Variants in MAP7D2 observed in about 807,000 individuals in gnomAD.
MAP7D2 encodes the protein MAP7 domain-containing protein 2.
A neutral mutation model predicts 63.5 loss-of-function variants in MAP7D2; 33 were observed. That is an observed-to-expected ratio of 0.52 (90% confidence interval 0.39 to 0.70). The LOEUF is 0.70. Among genes scored for constraint, MAP7D2 ranks in the 30% least tolerant of loss-of-function variants. The pLI, the probability that MAP7D2 is intolerant of heterozygous loss-of-function variation, is 0.00. For synonymous variants in MAP7D2, 224 were observed against 223.7 expected (o/e 1.00, Z -0.01); for missense variants, 626 against 604.0 (o/e 1.04, Z -0.38).
At chrX:20,017,241 G>A (rs886741885) in intron 10 of MAP7D2, 2 of 113,977 alleles carry the variant, frequency 1.8e-5, no homozygotes, top group African/African-American at 6.5e-5. Flanking sequence ...ATTGTTCTAT[G>A]GCTTTACTGT....
At chrX:20,115,323 A>C (rs1425622276) in intron 1 of MAP7D2, among the ~76,000 whole-genome samples, 1 of 107,086 alleles carries the variant, frequency 9.3e-6, no homozygotes, top group Admixed American at 1.0e-4. Context: ...GCCCCTCCCC[A>C]CCTCTCATGA....
intron 1 of MAP7D2, among the ~76,000 whole-genome samples, chrX:20,094,102 T>G (rs2066142888): frequency 9.0e-6 from 1 of 111,062 alleles, no homozygotes; most frequent in East Asian, 2.8e-4. Flanking sequence ...AATATGAATC[T>G]GAAAATCAAA....
intron 3 of MAP7D2, among the ~76,000 whole-genome samples, chrX:20,062,445 G>A (rs1317402492): frequency 1.8e-5 from 2 of 110,713 alleles, no homozygotes; most frequent in Admixed American, 9.6e-5. Flanking sequence ...GGGCAAAGAT[G>A]GGTCTGACTA....
chrX:20,046,125 A>G (rs1475947307), intron 6 of MAP7D2, among the ~76,000 whole-genome samples: 1 of 112,311 alleles, frequency 8.9e-6, no homozygotes, highest in Non-Finnish European at 1.9e-5. Context: ...AAGGGGAGAT[A>G]TGAAAAGACA....
chrX:20,112,821 A>G (rs907823149), intron 1 of MAP7D2, among the ~76,000 whole-genome samples: 2 of 111,755 alleles, frequency 1.8e-5, no homozygotes, highest in Non-Finnish European at 3.8e-5. Flanking sequence ...ACCCACCAGG[A>G]TATTTACCAA....
chrX:20,083,357 C>G (rs1216841350), intron 1 of MAP7D2, among the ~76,000 whole-genome samples: 1 of 111,959 alleles, frequency 8.9e-6, no homozygotes, highest in Non-Finnish European at 1.9e-5. Flanking sequence ...ACTGCCATTC[C>G]AAAATAACAC....
chrX:20,109,329 G>A (rs1052441856), intron 1 of MAP7D2, among the ~76,000 whole-genome samples: 6 of 108,917 alleles, frequency 5.5e-5, no homozygotes, highest in East Asian at 5.8e-4. Context: ...AGACCAGCCC[G>A]GACAACATGG....
intron 7 of MAP7D2, 124 bp from the exon 8 acceptor site, chrX:20,042,753 C>G (rs947892681): frequency 1.2e-6 from 1 of 826,645 alleles, no homozygotes; most frequent in Non-Finnish European, 1.7e-6. Flanking sequence ...AGCTATAACG[C>G]TTCACATGAC....
At chrX:20,034,285 C>T (rs986489007) in intron 8 of MAP7D2, among the ~76,000 whole-genome samples, 2 of 105,490 alleles carry the variant, frequency 1.9e-5, no homozygotes, top group African/African-American at 3.5e-5. Flanking sequence ...TGCAGTGGCT[C>T]GCACCTGTAA....
At chrX:20,104,802 CCT>C (rs952067628) in intron 1 of MAP7D2, among the ~76,000 whole-genome samples, 8 of 111,916 alleles carry the variant, frequency 7.1e-5, no homozygotes, top group African/African-American at 2.6e-4. Flanking sequence ...CACTGTCACC[CCT>C]GACTGGTGAT....
intron 1 of MAP7D2, among the ~76,000 whole-genome samples, chrX:20,104,316 TTTGAGACAGAG>T (rs2066509869): frequency 8.9e-6 from 1 of 112,813 alleles, no homozygotes; most frequent in Non-Finnish European, 1.9e-5. Context: ...TTATGATGTT[TTTGAGACAGAG>T]TCTCGCTATG....
At chrX:20,044,279 C>CA (rs1405598445) in intron 7 of MAP7D2, 85 bp downstream of exon 7, 70 of 960,064 alleles carry the variant, frequency 7.3e-5, no homozygotes, top group Non-Finnish European at 8.8e-5. Flanking sequence ...TGGAAACAGA[C>CA]AGCCCAGGTC....
At chrX:20,014,230 A>C (rs1024246108) in intron 12 of MAP7D2, among the ~76,000 whole-genome samples, 1 of 112,690 alleles carries the variant, frequency 8.9e-6, no homozygotes, top group Non-Finnish European at 1.9e-5. Context: ...AAGAAGTTTT[A>C]AGTAGAAGGG....
chrX:20,045,597 T>C (rs902853986), intron 6 of MAP7D2, among the ~76,000 whole-genome samples: 5 of 106,635 alleles, frequency 4.7e-5, no homozygotes, highest in Non-Finnish European at 9.6e-5. Context: ...GGAACTATGC[T>C]GATTCTTCCA....
At position 20,044,526 on chromosome X, in the gene MAP7D2, T is replaced by C. The variant is rs756943670; in HGVS notation, c.719-2A>G. The C allele has an allele frequency of 9.8e-5, 118 of 1,206,601 alleles. No homozygotes were observed. The highest frequency in any genetic ancestry group is 1.3e-4 in the Non-Finnish European group (114 of 892,161). ...CTAAACGAGGACAGACATGGAATAC[T>C]AGAAAGTTACAGTATAACAGCCAGA... On this transcript the variant is annotated splice_acceptor_variant, in intron 6 of 16. Transcript: ENST00000379643. LOFTEE classifies it high-confidence loss of function.
intron 12 of MAP7D2, among the ~76,000 whole-genome samples, chrX:20,013,973 G>A (rs2073293175): frequency 5.3e-5 from 6 of 112,251 alleles, no homozygotes; most frequent in Middle Eastern, 4.6e-3. Flanking sequence ...TGAGGCTGAG[G>A]TGCATCTCAG....
At position 20,027,743 on chromosome X, in the gene MAP7D2, G is replaced by T. The variant is rs1054430960; in HGVS notation, c.1008-1791C>A. ...AGAGAGAAAGAGAGGGAGAGAGGGA[G>T]AGAGAAGGCGGGGGGAGAGAGAGAG... On this transcript the variant is annotated intron_variant, in intron 8 of 16. Coordinates refer to ENST00000379643, the MANE Select transcript of MAP7D2 (RefSeq NM_001168465.2). Among the ~76,000 whole-genome samples the T allele has an allele frequency of 6.0e-5, 6 of 99,336 alleles. No individual in the cohort carries two copies. In the Admixed American group the frequency reaches 6.5e-4, roughly 11 times the overall value. 86.3% of individuals were successfully genotyped at this position (99,336 alleles called of 115,157 possible).
intron 1 of MAP7D2, among the ~76,000 whole-genome samples, chrX:20,109,214 CG>C (rs1328358438): frequency 1.8e-5 from 2 of 109,091 alleles, no homozygotes; most frequent in East Asian, 5.7e-4. Context: ...CACAGTGGCA[CG>C]GGGGGTTAAA....
chrX:20,115,331 T>A (rs1254254247), intron 1 of MAP7D2, among the ~76,000 whole-genome samples: 3 of 106,566 alleles, frequency 2.8e-5, no homozygotes, highest in Admixed American at 1.0e-4. Flanking sequence ...CCACCTCTCA[T>A]GAGTACAACA....
Sources: allele counts gnomAD v4.1 joint callset (sites outside exome capture counted in the v4.1 genomes callset), GRCh38; gene constraint gnomAD v4.1.1; transcripts MANE v1.5; gene names NCBI Gene and HGNC (gene_info 2026-07-23, HGNC 2026-07-21).